Variants in CTNNA2 observed in about 807,000 individuals in gnomAD.
CTNNA2 encodes the protein catenin alpha 2.
Under a neutral mutation model 101.0 loss-of-function variants are expected in CTNNA2, and 42 were observed. The ratio of observed to expected loss-of-function variants is 0.42; its 90% CI spans 0.32 to 0.54. The LOEUF is 0.54. Among genes scored for constraint, CTNNA2 ranks in the 20% least tolerant of loss-of-function variants. The pLI is 0.14. For synonymous variants in CTNNA2, 450 were observed against 456.4 expected, an observed-to-expected ratio of 0.99 and a Z score of 0.18; for missense variants, 871 against 1,223.1, an observed-to-expected ratio of 0.71 and a Z score of 4.29.
At chr2:80,064,345 T>A (rs942558208) in intron 7 of CTNNA2, among the ~76,000 whole-genome samples, 1 of 152,248 alleles carries the variant, frequency 6.6e-6, no homozygotes, top group African/African-American at 2.4e-5. Flanking sequence ...AGGCCCCAGA[T>A]GATTCTGTTA....
At chr2:79,699,086 C>T (rs138653840) in intron 2 of CTNNA2, among the ~76,000 whole-genome samples, 201 of 152,124 alleles carry the variant, frequency 1.3e-3, no homozygotes, top group African/African-American at 4.7e-3. Context: ...AAATTTTGTA[C>T]TATAAAATGT....
At chr2:80,610,877 A>G (rs1015243812) in intron 17 of CTNNA2, among the ~76,000 whole-genome samples, 3 of 151,626 alleles carry the variant, frequency 2.0e-5, no homozygotes, top group Non-Finnish European at 4.4e-5. Context: ...AGGAGAATGG[A>G]TACAAAAGCT....
At chr2:80,140,896 T>A (rs1702967953) in intron 7 of CTNNA2, among the ~76,000 whole-genome samples, 1 of 152,054 alleles carries the variant, frequency 6.6e-6, no homozygotes, top group Non-Finnish European at 1.5e-5. Flanking sequence ...TACAAAGGGC[T>A]CCCAAATCCC....
chr2:79,222,703 G>A (rs7592361), intron 2 of CTNNA2, among the ~76,000 whole-genome samples: 48 of 150,486 alleles, frequency 3.2e-4, no homozygotes, highest in Non-Finnish European at 5.2e-4. Context: ...CTCTCTCTCT[G>A]TTCTTATTAT....
chr2:80,484,819 C>A lies in CTNNA2; in HGVS notation c.1291-60163C>A, dbSNP rs140058568. 9.3e-3 allele frequency among the ~76,000 whole-genome samples: 1,415 copies of A among 152,092 alleles called. 25 individuals are homozygous for A. The highest frequency in any genetic ancestry group is 0.065 in the East Asian group (335 of 5,148). ...CCGGAGATCGAGACCATCCTGGCTA[C>A]CACGGTGAAACCTTGTCTCTACTGA... On this transcript the variant is annotated intron_variant, in intron 9 of 18. Coordinates refer to ENST00000402739, the MANE Select transcript of CTNNA2 (RefSeq NM_001282597.3).
chr2:80,055,756 C>A (rs1697177625), intron 7 of CTNNA2, among the ~76,000 whole-genome samples: 1 of 152,096 alleles, frequency 6.6e-6, no homozygotes, highest in Non-Finnish European at 1.5e-5. Flanking sequence ...GAGTTTGTGA[C>A]CCCTAATGCA....
intron 9 of CTNNA2, among the ~76,000 whole-genome samples, chr2:80,505,375 AACGT>A (rs1688190733): frequency 6.6e-6 from 1 of 152,012 alleles, no homozygotes; most frequent in Non-Finnish European, 1.5e-5. Context: ...GCGAGTAACT[AACGT>A]ACATTGTGTC....
At chr2:79,682,242 A>G (rs139939518) in intron 2 of CTNNA2, among the ~76,000 whole-genome samples, 2,963 of 151,744 alleles carry the variant, frequency 0.02, 60 homozygotes, top group African/African-American at 0.049. Context: ...CCCCGTCTCT[A>G]CTAAAAATAC....
intron 7 of CTNNA2, among the ~76,000 whole-genome samples, chr2:79,922,688 A>G (rs890709336): frequency 6.9e-6 from 1 of 144,664 alleles, no homozygotes; most frequent in Non-Finnish European, 1.5e-5. Context: ...AAGGATCACC[A>G]CCCATTTTCC....
intron 2 of CTNNA2, among the ~76,000 whole-genome samples, chr2:79,711,258 G>A (rs927482597): frequency 6.6e-6 from 1 of 152,184 alleles, no homozygotes; most frequent in African/African-American, 2.4e-5. Flanking sequence ...TGAAGATAAA[G>A]TGGTTTCAAG....
chr2:80,152,464 A>G (rs1217072622), intron 7 of CTNNA2, among the ~76,000 whole-genome samples: 3 of 152,120 alleles, frequency 2.0e-5, no homozygotes, highest in African/African-American at 7.2e-5. Context: ...TTAACCTCCA[A>G]GCATGCACTC....
intron 7 of CTNNA2, among the ~76,000 whole-genome samples, chr2:80,064,923 C>T (rs1285199409): frequency 2.0e-5 from 3 of 152,216 alleles, no homozygotes; most frequent in African/African-American, 7.2e-5. Flanking sequence ...CAATCTTCCA[C>T]ATCTATTAGA....
At chr2:80,132,416 T>A (rs1702465376) in intron 7 of CTNNA2, among the ~76,000 whole-genome samples, 1 of 152,152 alleles carries the variant, frequency 6.6e-6, no homozygotes, top group Non-Finnish European at 1.5e-5. Context: ...TATAAATGTA[T>A]CACAGGAGAG....
intron 3 of CTNNA2, among the ~76,000 whole-genome samples, chr2:79,796,121 G>A (rs1444638621): frequency 6.6e-6 from 1 of 152,156 alleles, no homozygotes; most frequent in Non-Finnish European, 1.5e-5. Context: ...GTATGTTTTT[G>A]ATACTTGGGG....
At chr2:79,588,724 T>G (rs922417046) in intron 1 of CTNNA2, among the ~76,000 whole-genome samples, 3 of 152,146 alleles carry the variant, frequency 2.0e-5, no homozygotes, top group Admixed American at 1.3e-4. Context: ...TCAAAAAAGT[T>G]TAGAGTTTCC....
At chr2:79,395,397 C>G (rs931034155) in intron 4 of CTNNA2, among the ~76,000 whole-genome samples, 2 of 151,984 alleles carry the variant, frequency 1.3e-5, no homozygotes, top group South Asian at 2.1e-4. Flanking sequence ...CACCCTCCCC[C>G]CAACCCACAA....
Position 80,278,436 on chromosome 2 carries a change from A to G in CTNNA2, c.1057-114775A>G, listed in dbSNP as rs761404863. On this transcript the variant is annotated intron_variant, in intron 7 of 18. Transcript: ENST00000402739. ...CTACTGGTGGTTGAAGTTCTCACCC[A>G]TGGTCTGGTGGTTGATTGGCTGCAT... 2.6e-5 allele frequency among the ~76,000 whole-genome samples: 4 copies of G among 152,026 alleles called. No homozygotes were observed. The South Asian group carries it at 6.2e-4, about 24-fold the overall frequency.
intron 3 of CTNNA2, among the ~76,000 whole-genome samples, chr2:79,353,056 C>T (rs1298906616): frequency 6.6e-6 from 1 of 152,146 alleles, no homozygotes; most frequent in East Asian, 1.9e-4. Context: ...TTAGAAGCTA[C>T]CCCCATGATC....
chr2:79,469,557 C>T (rs1357391510), intron 4 of CTNNA2, among the ~76,000 whole-genome samples: 2 of 152,212 alleles, frequency 1.3e-5, no homozygotes, highest in Non-Finnish European at 2.9e-5. Flanking sequence ...GATACCAAAG[C>T]CCAGCAGAGA....
Sources: gnomAD v4.1 joint callset for allele counts (sites outside exome capture counted in the v4.1 genomes callset) on GRCh38, gnomAD v4.1.1 for gene constraint, MANE v1.5 for transcripts, NCBI Gene and HGNC (gene_info 2026-07-23, HGNC 2026-07-21) for gene names.